Variants in CFAP44 observed in about 807,000 individuals in gnomAD.
CFAP44 encodes cilia- and flagella-associated protein 44.
CFAP44 carries 134 observed loss-of-function variants against 216.2 expected under a neutral mutation model. That is an observed-to-expected ratio of 0.62 (90% CI 0.54 to 0.72). The LOEUF (loss-of-function observed/expected upper bound fraction) is 0.72. Ranked by LOEUF, CFAP44 falls within the 30% of genes least tolerant of loss-of-function variation. The pLI, the probability that CFAP44 is intolerant of heterozygous loss-of-function variation, is 0.00. For synonymous variants in CFAP44, 700 were observed against 727.6 expected, an observed-to-expected ratio of 0.96 and a Z score of 0.61; for missense variants, 2,035 against 2,182.1, an observed-to-expected ratio of 0.93 and a Z score of 1.34.
chr3:113,342,257 C>T (rs1258887244), intron 23 of CFAP44, among the ~76,000 whole-genome samples: 3 of 152,142 alleles, frequency 2.0e-5, no homozygotes, highest in Non-Finnish European at 2.9e-5. Flanking sequence ...TGCTTGAAAC[C>T]AGGAGGCAGA....
At position 113,333,575 on chromosome 3, in the gene CFAP44, C is replaced by T. The variant is rs917728990; in HGVS notation, c.3446G>A (p.Ser1149Asn). 4.6e-6 allele frequency: 7 copies of T among 1,517,764 alleles called. No individual in the cohort carries two copies. Among genetic ancestry groups the T allele is most frequent in the Admixed American group, 4.3e-5 (2 of 46,218 alleles). 94.0% of individuals were successfully genotyped at this position (1,517,764 alleles called of 1,614,324 possible). A position where few individuals can be genotyped will look rare whatever the true frequency, so the allele number is the denominator to read the frequency against. ...RKKEWEELYK[S>N]KPGDDYEDPK... ...ATCTTCATAGTCATCACCAGGTTTACTCTTGTATCTATTAGAAAAACAGAC... is the reference window on the plus strand; with the variant it reads ...ATCTTCATAGTCATCACCAGGTTTATTCTTGTATCTATTAGAAAAACAGAC... Residue 1149 changes from serine to asparagine, a missense_variant, in exon 25 of 35, where the codon AGT (serine) becomes AAT (asparagine). By Grantham distance (46) the Ser-to-Asn change is conservative. Transcript: ENST00000393845.
chr3:113,367,682 A>G (rs1459036798), intron 18 of CFAP44, among the ~76,000 whole-genome samples: 1 of 152,230 alleles, frequency 6.6e-6, no homozygotes, highest in Non-Finnish European at 1.5e-5. Context: ...TTCTCCTCCA[A>G]AGGATCACAG....
intron 18 of CFAP44, among the ~76,000 whole-genome samples, chr3:113,369,323 A>C (rs1183536017): frequency 6.6e-6 from 1 of 152,230 alleles, no homozygotes; most frequent in Non-Finnish European, 1.5e-5. Context: ...AACTGACCAC[A>C]TAATTGGAAG....
At chr3:113,294,902 A>T (rs1949866435) in intron 33 of CFAP44, 81 bp from the exon 34 acceptor site, 2 of 1,423,368 alleles carry the variant, frequency 1.4e-6, no homozygotes, top group Non-Finnish European at 1.8e-6. Context: ...ATTTGGTCAA[A>T]ATCATCAGGC....
intron 18 of CFAP44, among the ~76,000 whole-genome samples, chr3:113,367,864 A>G (rs996382082): frequency 6.6e-6 from 1 of 152,254 alleles, no homozygotes; most frequent in African/African-American, 2.4e-5. Context: ...TGAATGGCTA[A>G]CTAGAATGAA....
At chr3:113,312,320 T>C (rs1274423848) in intron 28 of CFAP44, among the ~76,000 whole-genome samples, 4 of 150,704 alleles carry the variant, frequency 2.7e-5, no homozygotes, top group Admixed American at 2.6e-4. Context: ...CCTGACCTCA[T>C]GATCCGCCCA....
At chr3:113,397,586 T>C (rs904040125) in intron 13 of CFAP44, among the ~76,000 whole-genome samples, 5 of 152,180 alleles carry the variant, frequency 3.3e-5, no homozygotes, top group African/African-American at 1.2e-4. Context: ...GGGAGAACTT[T>C]TGAAAGATCT....
intron 4 of CFAP44, among the ~76,000 whole-genome samples, chr3:113,425,668 C>T (rs1343419500): frequency 6.6e-6 from 1 of 152,150 alleles, no homozygotes; most frequent in Non-Finnish European, 1.5e-5. Context: ...AAGAAGAAGC[C>T]TTCTGATTTC....
At chr3:113,404,068 T>C (rs1228997159) in intron 8 of CFAP44, 52 bp from the exon 9 acceptor site, 2 of 1,464,644 alleles carry the variant, frequency 1.4e-6, no homozygotes, top group African/African-American at 1.4e-5. Context: ...TAAGTGTACA[T>C]ATTTATGCCT....
At chr3:113,423,105 C>CTTTTTTTTTTTT (rs72395986) in intron 4 of CFAP44, among the ~76,000 whole-genome samples, 3 of 79,158 alleles carry the variant, frequency 3.8e-5, no homozygotes, top group East Asian at 4.1e-4. Context: ...CTGATCCTTC[C>CTTTTTTTTTTTT]TTTTTTTTTT....
chr3:113,378,967 C>T (rs1450950637), intron 17 of CFAP44, among the ~76,000 whole-genome samples: 1 of 152,138 alleles, frequency 6.6e-6, no homozygotes, highest in African/African-American at 2.4e-5. Context: ...AAACCCCTAG[C>T]CTTTTGCCTT....
At chr3:113,374,715 A>G (rs1164379716) in intron 17 of CFAP44, among the ~76,000 whole-genome samples, 1 of 152,124 alleles carries the variant, frequency 6.6e-6, no homozygotes, top group Non-Finnish European at 1.5e-5. Context: ...GCTCACTGCA[A>G]CTTCCACCTC....
intron 32 of CFAP44, among the ~76,000 whole-genome samples, chr3:113,297,760 C>T (rs190024141): frequency 4.3e-4 from 66 of 152,300 alleles, no homozygotes; most frequent in Middle Eastern, 3.4e-3. Context: ...TCCAAGAAAA[C>T]ATAATCTTGT....
chr3:113,346,229 A>C, intron 22 of CFAP44, among the ~76,000 whole-genome samples: 1 of 152,138 alleles, frequency 6.6e-6, no homozygotes. Context: ...CTTTGTAAAA[A>C]CACACCAATC....
chr3:113,435,524 T>G (rs1425311616), intron 1 of CFAP44, among the ~76,000 whole-genome samples: 1 of 151,954 alleles, frequency 6.6e-6, no homozygotes, highest in Non-Finnish European at 1.5e-5. Context: ...GGAACTATAA[T>G]TACGATGGGA....
In CFAP44 at chr3:113,403,340, C is replaced by A. The variant is rs369127806; in HGVS notation, c.1170+512G>T. On this transcript the variant is annotated intron_variant, in intron 9 of 34. Transcript: ENST00000393845. ...ATGCTGGAGCAATGTTCCAGCTTAGCCCAGGCTTTGGGCAAGAGAGTGTCC... is the reference window on the plus strand; with the variant it reads ...ATGCTGGAGCAATGTTCCAGCTTAGACCAGGCTTTGGGCAAGAGAGTGTCC... Among the ~76,000 whole-genome samples, 84 of 152,286 alleles carry A rather than the reference C, an allele frequency of 5.5e-4. No homozygotes were observed. The South Asian group carries it at 0.014, about 26-fold the overall frequency.
chr3:113,363,770 CAT>C (rs1950563849), intron 19 of CFAP44, among the ~76,000 whole-genome samples: 1 of 152,124 alleles, frequency 6.6e-6, no homozygotes. Flanking sequence ...TTAACCTAAT[CAT>C]ATGTTTGCAA....
At chr3:113,395,147 C>T (rs1273598104) in intron 15 of CFAP44, among the ~76,000 whole-genome samples, 2 of 152,196 alleles carry the variant, frequency 1.3e-5, no homozygotes, top group Non-Finnish European at 2.9e-5. Flanking sequence ...TCAGTATTAT[C>T]ATCTTGGCAC....
At position 113,303,966 on chromosome 3, in the gene CFAP44, C is replaced by T. The variant is rs1413070061; in HGVS notation, c.5027G>A (p.Arg1676Lys). 1 of 1,537,724 alleles carries T rather than the reference C, an allele frequency of 6.5e-7. No homozygotes were observed. The highest frequency in any genetic ancestry group is 2.4e-5 in the East Asian group (1 of 40,910). Residue 1676 changes from arginine (R) to lysine (K), a missense_variant, in exon 32 of 35, where the codon AGA (arginine) becomes AAA (lysine). Coordinates refer to ENST00000393845, the MANE Select transcript of CFAP44 (RefSeq NM_001164496.2). ...QQKLNKEWRE[R>K]RKQLIREKRE... ...CTTTTCTCGGATGAGCTGTTTACGT[C>T]TCTCTCTCCATTCTTTGTTAAGTTT...
Sources: allele counts gnomAD v4.1 joint callset (sites outside exome capture counted in the v4.1 genomes callset), GRCh38; gene constraint gnomAD v4.1.1; transcripts MANE v1.5; gene names NCBI Gene and HGNC (gene_info 2026-07-23, HGNC 2026-07-21).